The following DIAPH1 variants were observed in gnomAD, a reference collection of about 807,000 sequenced individuals.
The protein encoded by DIAPH1 is protein diaphanous homolog 1.
DIAPH1 carries 46 observed loss-of-function variants against 140.7 expected under a neutral mutation model. That is an observed-to-expected ratio of 0.33 (90% CI 0.26 to 0.42). DIAPH1 has a LOEUF of 0.42. Among genes scored for constraint, DIAPH1 ranks in the 10% least tolerant of loss-of-function variants. The probability of loss-of-function intolerance (pLI) is 1.00; values close to 1 mark genes in which losing one functional copy is unlikely to be tolerated. For missense variants in DIAPH1, 1,310 were observed against 1,558.7 expected (o/e 0.84, Z 2.69); for synonymous variants, 565 against 551.6 (o/e 1.02, Z -0.34).
Position 141,516,423 on chromosome 5 carries a change from G to A in DIAPH1, c.*428C>T, listed in dbSNP as rs1405488684. The A allele has an allele frequency of 3.8e-6, 1 of 265,306 alleles. No homozygotes were observed. The allele number at this position is 265,306 out of a possible 1,614,324, so 16.4% of individuals were successfully genotyped here. A position where few individuals can be genotyped will look rare whatever the true frequency, so the allele number is the denominator to read the frequency against. ...TAGCCCAAAGGTTTACAAGCCCCAT[G>A]CTATTCTCAGGGCCAGAGAAACCAC... On this transcript the variant is annotated 3_prime_UTR_variant, in exon 28 of 28. Coordinates refer to ENST00000389054, the MANE Select transcript of DIAPH1 (RefSeq NM_005219.5).
In DIAPH1 at chr5:141,573,632, G is replaced by A; in HGVS notation, c.2218C>T (p.Pro740Ser). Reference sequence around the variant, plus strand: ...GGCATACCCATTCCGGGTGGAGGTGGAGGAATGCCAGGGCCTCCGGGAAAT... The same window carrying A: ...GGCATACCCATTCCGGGTGGAGGTGAAGGAATGCCAGGGCCTCCGGGAAAT... Reference protein sequence around the residue: ...PPFPGGPGIPPPPPGMGMPPP... With the variant: ...PPFPGGPGIPSPPPGMGMPPP... Residue 740 changes from proline to serine, a missense_variant, in exon 16 of 28, where the codon CCA (proline) becomes TCA (serine). Coordinates refer to ENST00000389054, the MANE Select transcript of DIAPH1 (RefSeq NM_005219.5). 1 of 1,613,728 alleles carries A rather than the reference G, an allele frequency of 6.2e-7. No homozygotes were observed. The highest frequency in any genetic ancestry group is 8.5e-7 in the Non-Finnish European group (1 of 1,179,882).
chr5:141,585,804 T>C (rs1219810617), intron 3 of DIAPH1, among the ~76,000 whole-genome samples: 1 of 152,192 alleles, frequency 6.6e-6, no homozygotes, highest in Non-Finnish European at 1.5e-5. Flanking sequence ...GGGAAACCTA[T>C]AGTTTAAATG....
At chr5:141,563,648 C>G (rs2099893927) in intron 18 of DIAPH1, 1 of 152,122 alleles carries the variant, frequency 6.6e-6, no homozygotes. Flanking sequence ...GAAATAAAAT[C>G]TGGAATCCAC....
intron 18 of DIAPH1, among the ~76,000 whole-genome samples, chr5:141,559,245 T>G (rs2099893147): frequency 6.6e-6 from 1 of 152,182 alleles, no homozygotes; most frequent in Admixed American, 6.5e-5. Flanking sequence ...GGTTGTAATA[T>G]ACATAAGGGA....
Position 141,516,488 on chromosome 5 carries a change from GA to G in DIAPH1, c.*362del. On this transcript the variant is annotated 3_prime_UTR_variant, in exon 28 of 28. Transcript: ENST00000389054. Reference sequence around the variant, plus strand: ...AATCCAGCAAGACTGACCTAGGGGGGAAAGCCCATTAGAAAGTCAGGGCTGA... The same window carrying G: ...AATCCAGCAAGACTGACCTAGGGGGGAAGCCCATTAGAAAGTCAGGGCTGA... 1 of 345,042 alleles carries G rather than the reference GA, an allele frequency of 2.9e-6. No individual in the cohort carries two copies. Among genetic ancestry groups the G allele is most frequent in the Non-Finnish European group, 5.6e-6 (1 of 178,994 alleles). The allele number at this position is 345,042 out of a possible 1,614,324, so 21.4% of individuals were successfully genotyped here. A position where few individuals can be genotyped will look rare whatever the true frequency, so the allele number is the denominator to read the frequency against.
At position 141,594,433 on chromosome 5, in the gene DIAPH1, A is replaced by T. The variant is rs374479409; in HGVS notation, c.118-6183T>A. Among the ~76,000 whole-genome samples the T allele has an allele frequency of 3.4e-4, 52 of 152,324 alleles. No individual in the cohort carries two copies. In the East Asian group the frequency reaches 7.5e-3, roughly 22 times the overall value. On this transcript the variant is annotated intron_variant, in intron 1 of 27. Coordinates refer to ENST00000389054, the MANE Select transcript of DIAPH1 (RefSeq NM_005219.5). ...TCTTAAGGGCATACTGCTAAAAGAA[A>T]GAAGCTGAACTGAAAAGGCTACATA...
intron 1 of DIAPH1, among the ~76,000 whole-genome samples, chr5:141,594,915 C>A (rs1174239895): frequency 6.6e-6 from 1 of 151,516 alleles, no homozygotes; most frequent in Admixed American, 6.6e-5. Flanking sequence ...GTGGCGGGTG[C>A]CTGTAATCCC....
intron 18 of DIAPH1, among the ~76,000 whole-genome samples, chr5:141,537,703 G>C (rs1403334229): frequency 1.3e-5 from 2 of 151,984 alleles, no homozygotes; most frequent in African/African-American, 4.8e-5. Flanking sequence ...AAAAAGTGAG[G>C]AGGGCAAAGA....
chr5:141,558,668 A>C (rs1252765569), intron 18 of DIAPH1, among the ~76,000 whole-genome samples: 2 of 152,150 alleles, frequency 1.3e-5, no homozygotes, highest in African/African-American at 4.8e-5. Flanking sequence ...CCTATTCTAC[A>C]GGGAACACCC....
At chr5:141,599,184 A>C (rs2099899765) in intron 1 of DIAPH1, among the ~76,000 whole-genome samples, 1 of 152,222 alleles carries the variant, frequency 6.6e-6, no homozygotes, top group African/African-American at 2.4e-5. Flanking sequence ...GAGTATGACT[A>C]AACATTACTC....
Position 141,571,413 on chromosome 5 carries a change from C to A in DIAPH1, c.2482+15G>T. 1 of 1,603,414 alleles carries A rather than the reference C, an allele frequency of 6.2e-7. No homozygotes were observed. The highest frequency in any genetic ancestry group is 8.5e-7 in the Non-Finnish European group (1 of 1,174,614). On this transcript the variant is annotated intron_variant, in intron 18 of 27. Coordinates refer to ENST00000389054, the MANE Select transcript of DIAPH1 (RefSeq NM_005219.5). ...ATTCAAGAGACCAAACTAAAAGGCT[C>A]TTTTGTATTCTTACCTTTGGAAGCT... is the stretch of plus-strand genomic sequence containing the variant.
At chr5:141,526,885 G>C (rs2099887414) in intron 24 of DIAPH1, among the ~76,000 whole-genome samples, 1 of 152,082 alleles carries the variant, frequency 6.6e-6, no homozygotes, top group Non-Finnish European at 1.5e-5. Context: ...TTTTAGTAGA[G>C]ATGGGGTTTC....
intron 18 of DIAPH1, among the ~76,000 whole-genome samples, chr5:141,559,748 C>T (rs1261896019): frequency 6.6e-6 from 1 of 152,062 alleles, no homozygotes; most frequent in African/African-American, 2.4e-5. Flanking sequence ...CAGGCACTAT[C>T]CCAAACAAGG....
chr5:141,552,652 T>C (rs1259953486), intron 18 of DIAPH1, among the ~76,000 whole-genome samples: 1 of 152,152 alleles, frequency 6.6e-6, no homozygotes, highest in African/African-American at 2.4e-5. Flanking sequence ...ACTAAATTTG[T>C]GGTAATTTGT....
At chr5:141,590,668 T>C (rs1406748091) in intron 1 of DIAPH1, among the ~76,000 whole-genome samples, 1 of 151,630 alleles carries the variant, frequency 6.6e-6, no homozygotes, top group African/African-American at 2.4e-5. Context: ...CTAAGATAGA[T>C]GTAATGTAGA....
At chr5:141,605,910 C>A (rs2099900859) in intron 1 of DIAPH1, among the ~76,000 whole-genome samples, 1 of 152,152 alleles carries the variant, frequency 6.6e-6, no homozygotes, top group African/African-American at 2.4e-5. Flanking sequence ...ACGAACAGCC[C>A]TGGCGGATGC....
intron 27 of DIAPH1, chr5:141,518,584 G>A (rs1330204497): frequency 3.1e-5 from 6 of 190,588 alleles, no homozygotes; most frequent in African/African-American, 9.4e-5. Context: ...GTGCAGCAGC[G>A]CAATCACAGC....
chr5:141,573,359 C>T (rs546361107), intron 16 of DIAPH1, 133 bp downstream of exon 16: 58 of 1,111,670 alleles, frequency 5.2e-5, no homozygotes, highest in Non-Finnish European at 6.6e-5. Flanking sequence ...GGCGTGAACC[C>T]GGGAGGCGGA....
chr5:141,526,971 C>T (rs1415947283), intron 24 of DIAPH1, among the ~76,000 whole-genome samples: 1 of 151,992 alleles, frequency 6.6e-6, no homozygotes, highest in African/African-American at 2.4e-5. Flanking sequence ...GGAAACATGG[C>T]CAAGACATAT....
Sources: gnomAD v4.1 joint callset for allele counts (sites outside exome capture counted in the v4.1 genomes callset) on GRCh38, gnomAD v4.1.1 for gene constraint, MANE v1.5 for transcripts, NCBI Gene and HGNC (gene_info 2026-07-23, HGNC 2026-07-21) for gene names.